The following PRKCZ variants were observed in gnomAD, a reference collection of about 807,000 sequenced individuals.
PRKCZ encodes protein kinase C zeta type.
PRKCZ carries 33 observed loss-of-function variants against 79.5 expected under a neutral mutation model. The observed-to-expected ratio is 0.41, with a 90% CI of 0.31 to 0.55. The LOEUF (loss-of-function observed/expected upper bound fraction) is 0.55, where lower values mean the gene tolerates loss of function less well. PRKCZ is among the 20% of genes least tolerant of loss of function. PRKCZ has a pLI of 0.19. For synonymous variants in PRKCZ, 342 were observed against 320.9 expected (o/e 1.07, Z -0.70); for missense variants, 578 against 813.5 (o/e 0.71, Z 3.52).
At chr1:2,145,925 A>G in intron 6 of PRKCZ, 102 bp from the exon 7 acceptor site, 8 of 1,051,834 alleles carry the variant, frequency 7.6e-6, no homozygotes, top group East Asian at 2.5e-5. Context: ...TCTGTAAAAA[A>G]AAGTTCTTAA....
rs1261897389 is a variant in PRKCZ, at chr1:2,128,171, C to A, written c.335-7091C>A. Among the ~76,000 whole-genome samples the A allele has an allele frequency of 6.6e-6, 1 of 152,252 alleles. No individual in the cohort carries two copies. Among genetic ancestry groups the A allele is most frequent in the Non-Finnish European group, 1.5e-5 (1 of 68,036 alleles). On this transcript the variant is annotated intron_variant, in intron 4 of 17. Coordinates refer to ENST00000378567, the MANE Select transcript of PRKCZ (RefSeq NM_002744.6). The surrounding 1 kb of genome is among the most constrained non-coding windows in gnomAD (Gnocchi z 6.5). ...CAAGGGCACCTCACTGTCTCCTTGT[C>A]CTCCTGGTCACTGACCTGGGCCACC...
Position 2,144,437 on chromosome 1 carries a change from C to T in PRKCZ, c.552+96C>T. On this transcript the variant is annotated intron_variant, in intron 6 of 17. Transcript: ENST00000378567. ...AAGCAGACCTTGGTGACCCTGGGTT[C>T]TTCAAGAGGGGCCGTGGTGCCGTCC... The T allele has an allele frequency of 6.0e-6, 9 of 1,502,620 alleles. 1 individual carries two copies. In the South Asian group the frequency reaches 7.7e-5, roughly 13 times the overall value. 93.1% of individuals were successfully genotyped at this position (1,502,620 alleles called of 1,614,324 possible). A position where few individuals can be genotyped will look rare whatever the true frequency, so the allele number is the denominator to read the frequency against.
chr1:2,126,513 C>A (rs929806020), intron 4 of PRKCZ, among the ~76,000 whole-genome samples: 2 of 152,110 alleles, frequency 1.3e-5, no homozygotes, highest in Admixed American at 1.3e-4. Context: ...ATGCCCACCC[C>A]CCTCCAGCCT....
chr1:2,063,613 G>C (rs1660880495), intron 4 of PRKCZ, among the ~76,000 whole-genome samples: 1 of 152,038 alleles, frequency 6.6e-6, no homozygotes, highest in Non-Finnish European at 1.5e-5. Flanking sequence ...GCACCTGGCC[G>C]ATAATTCTGT....
chr1:2,161,358 G>C (rs1033310328), intron 10 of PRKCZ, among the ~76,000 whole-genome samples: 1 of 152,264 alleles, frequency 6.6e-6, no homozygotes, highest in African/African-American at 2.4e-5. Context: ...TCAGGGGCCT[G>C]GCAGGAGCCA....
In PRKCZ at chr1:2,166,578, G is replaced by A. The variant is rs981813324; in HGVS notation, c.975-2940G>A. Among the ~76,000 whole-genome samples, 5 of 152,088 alleles carry A rather than the reference G, an allele frequency of 3.3e-5. No individual in the cohort carries two copies. In the South Asian group the frequency reaches 6.2e-4, roughly 19 times the overall value. ...CAGCGCCTCCAGGCCACAACATGGC[G>A]AGTGTGGCTACCAGGACACGGAGGG... On this transcript the variant is annotated intron_variant, in intron 10 of 17. Coordinates refer to ENST00000378567, the MANE Select transcript of PRKCZ (RefSeq NM_002744.6).
At chr1:2,090,036 T>TC (rs1665219030) in intron 4 of PRKCZ, among the ~76,000 whole-genome samples, 1 of 152,196 alleles carries the variant, frequency 6.6e-6, no homozygotes, top group African/African-American at 2.4e-5. Flanking sequence ...CGTCTCTTCT[T>TC]CACCCGGGCC....
At chr1:2,161,593 C>T (rs192724071) in intron 10 of PRKCZ, among the ~76,000 whole-genome samples, 2 of 152,284 alleles carry the variant, frequency 1.3e-5, no homozygotes, top group East Asian at 1.9e-4. Flanking sequence ...GAAAGGGATG[C>T]GTTGTCTGTA....
rs1028088806 is a variant in PRKCZ at position 2,178,893 on chromosome 1, C to T, written c.1575+3580C>T. 4.6e-5 allele frequency among the ~76,000 whole-genome samples: 7 copies of T among 152,130 alleles called. No individual in the cohort carries two copies. Among genetic ancestry groups the T allele is most frequent in the Non-Finnish European group, 8.8e-5 (6 of 68,012 alleles). ...ACACAGTGCCCGCCCCCCGAGTGTCCGAGGGTAGAGCTGGGACAGGGTCAC... is the reference window on the plus strand; with the variant it reads ...ACACAGTGCCCGCCCCCCGAGTGTCTGAGGGTAGAGCTGGGACAGGGTCAC... On this transcript the variant is annotated intron_variant, in intron 16 of 17. Coordinates refer to ENST00000378567, the MANE Select transcript of PRKCZ (RefSeq NM_002744.6). This position sits in a 1 kb window ranked among gnomAD's most constrained non-coding sequence, Gnocchi z 4.3.
rs551230258 is a variant in PRKCZ at position 2,185,368 on chromosome 1, A to C, written c.*359A>C. On this transcript the variant is annotated 3_prime_UTR_variant, in exon 18 of 18. Coordinates refer to ENST00000378567, the MANE Select transcript of PRKCZ (RefSeq NM_002744.6). Reference sequence around the variant, plus strand: ...AGGAAAGTGAGCGTGTAGCGTCCTGAGGAATAAAATGTTCCGATGATGTGG... The same window carrying C: ...AGGAAAGTGAGCGTGTAGCGTCCTGCGGAATAAAATGTTCCGATGATGTGG... 5.6e-6 allele frequency: 4 copies of C among 718,556 alleles called. No homozygotes were observed. The highest frequency in any genetic ancestry group is 1.0e-5 in the Non-Finnish European group (4 of 385,096). The allele number at this position is 718,556 out of a possible 1,614,324, so 44.5% of individuals were successfully genotyped here.
chr1:2,174,061 TCTTC>T lies in PRKCZ; in HGVS notation c.1405+53_1405+56del, dbSNP rs1684979706. 4 of 1,530,270 alleles carry T rather than the reference TCTTC, an allele frequency of 2.6e-6. No homozygotes were observed. Among genetic ancestry groups the T allele is most frequent in the Non-Finnish European group, 3.5e-6 (4 of 1,132,072 alleles). 94.8% of individuals were successfully genotyped at this position (1,530,270 alleles called of 1,614,324 possible). A position where few individuals can be genotyped will look rare whatever the true frequency, so the allele number is the denominator to read the frequency against. ...TTCGTACCCCTCACCTGCACGACTG[TCTTC>T]CTTCCTTTTCAAAGGTGCAGGTGGA... is the stretch of plus-strand genomic sequence containing the variant. On this transcript the variant is annotated intron_variant, in intron 14 of 17. Transcript: ENST00000378567. This position sits in a 1 kb window ranked among gnomAD's most constrained non-coding sequence, Gnocchi z 6.2.
intron 4 of PRKCZ, among the ~76,000 whole-genome samples, chr1:2,109,771 G>A (rs1214987128): frequency 3.3e-5 from 5 of 152,192 alleles, no homozygotes; most frequent in Admixed American, 1.3e-4. Flanking sequence ...GTGAGGTCCA[G>A]GCCATGGGCC....
intron 4 of PRKCZ, among the ~76,000 whole-genome samples, chr1:2,091,411 CAGTAA>C (rs1665477768): frequency 6.6e-6 from 1 of 152,194 alleles, no homozygotes; most frequent in South Asian, 2.1e-4. Flanking sequence ...GTGTGTAGTT[CAGTAA>C]AGTAAATTCA....
At chr1:2,087,508 G>A (rs866043108) in intron 4 of PRKCZ, among the ~76,000 whole-genome samples, 9 of 152,334 alleles carry the variant, frequency 5.9e-5, no homozygotes, top group Middle Eastern at 3.4e-3. Context: ...ATCCCGAGGT[G>A]CCAGGCGAAC....
chr1:2,140,663 A>C (rs886862578), intron 5 of PRKCZ, among the ~76,000 whole-genome samples: 1 of 151,110 alleles, frequency 6.6e-6, no homozygotes, highest in South Asian at 2.1e-4. Flanking sequence ...TCTCAAAAAA[A>C]AAGAAAGAAA....
chr1:2,117,611 C>T (rs1394419922), intron 4 of PRKCZ, among the ~76,000 whole-genome samples: 3 of 152,194 alleles, frequency 2.0e-5, no homozygotes, highest in Non-Finnish European at 4.4e-5. Flanking sequence ...CACATCCTCT[C>T]GTGCCTGATT....
rs1425394403 is a variant in PRKCZ, at chr1:2,178,100, C to A, written c.1575+2787C>A. 6.6e-6 allele frequency among the ~76,000 whole-genome samples: 1 copy of A among 152,184 alleles called. No individual in the cohort carries two copies. The highest frequency in any genetic ancestry group is 2.4e-5 in the African/African-American group (1 of 41,446). ...GAAGGAAGGTCCTCCTCCCATTCAC[C>A]CAACGCCTGCAACTCAGTGGTTCTG... On this transcript the variant is annotated intron_variant, in intron 16 of 17. Coordinates refer to ENST00000378567, the MANE Select transcript of PRKCZ (RefSeq NM_002744.6). This position sits in a 1 kb window ranked among gnomAD's most constrained non-coding sequence, Gnocchi z 4.3.
intron 4 of PRKCZ, among the ~76,000 whole-genome samples, chr1:2,086,073 T>G (rs1220064151): frequency 7.0e-6 from 1 of 143,452 alleles, no homozygotes; most frequent in African/African-American, 3.0e-5. Flanking sequence ...TTTTTTTTTT[T>G]TAAATTGAGA....
rs1685631236 is a variant in PRKCZ at position 2,177,044 on chromosome 1, G to T, written c.1575+1731G>T. Among the ~76,000 whole-genome samples the T allele has an allele frequency of 6.6e-6, 1 of 152,206 alleles. No homozygotes were observed. The highest frequency in any genetic ancestry group is 2.1e-4 in the South Asian group (1 of 4,828). ...ATAAGGGAGAAGAGATCTGCCTTTG[G>T]TTCTAACTGTCAGTCATCCTCACGC... On this transcript the variant is annotated intron_variant, in intron 16 of 17. Coordinates refer to ENST00000378567, the MANE Select transcript of PRKCZ (RefSeq NM_002744.6). This position sits in a 1 kb window ranked among gnomAD's most constrained non-coding sequence, Gnocchi z 6.4.
Sources: gnomAD v4.1 joint callset for allele counts (sites outside exome capture counted in the v4.1 genomes callset) on GRCh38, gnomAD v4.1.1 for gene constraint, Gnocchi (gnomAD v3.1) non-coding constraint, MANE v1.5 for transcripts, NCBI Gene and HGNC (gene_info 2026-07-23, HGNC 2026-07-21) for gene names.